The following CD46 variants were observed in gnomAD, a reference collection of about 807,000 sequenced individuals.
CD46 encodes the protein CD46 molecule.
CD46 carries 30 observed loss-of-function variants against 53.3 expected under a neutral mutation model. That is an observed-to-expected ratio of 0.56 (90% CI 0.42 to 0.76). CD46 has a LOEUF of 0.76. CD46 is among the 30% of genes least tolerant of loss of function. The probability of loss-of-function intolerance (pLI) is 0.00; values close to 1 mark genes in which losing one functional copy is unlikely to be tolerated. For missense variants in CD46, 409 were observed against 463.0 expected (o/e 0.88, Z 1.07); for synonymous variants, 142 against 152.0 (o/e 0.93, Z 0.48).
chr1:207,761,226 T>C (rs749502589), intron 4 of CD46, 23 bp from the exon 5 acceptor site: 9 of 1,471,696 alleles, frequency 6.1e-6, no homozygotes, highest in South Asian at 2.3e-5. Context: ...ACATTTCCTT[T>C]CCTCTTTTTC....
intron 5 of CD46, among the ~76,000 whole-genome samples, chr1:207,761,667 G>C (rs1656232848): frequency 1.3e-5 from 2 of 151,514 alleles, no homozygotes; most frequent in South Asian, 2.1e-4. Flanking sequence ...ATTTTATACA[G>C]TGTGAACTAC....
In CD46 at chr1:207,766,976, G is replaced by A. The variant is rs370525888; in HGVS notation, c.674-37G>A. Reference sequence around the variant, plus strand: ...TTGTACTACTTTTTCTGCTAAAGCAGATATCCATTAATTCTGAGGTTTCTC... The same window carrying A: ...TTGTACTACTTTTTCTGCTAAAGCAAATATCCATTAATTCTGAGGTTTCTC... On this transcript the variant is annotated intron_variant, in intron 5 of 12. Transcript: ENST00000367042. The A allele has an allele frequency of 1.9e-6, 3 of 1,544,006 alleles. No homozygotes were observed. The African/African-American group carries it at 4.1e-5, about 21-fold the overall frequency.
chr1:207,780,547 CA>C (rs1466025631), intron 8 of CD46, among the ~76,000 whole-genome samples: 1 of 151,970 alleles, frequency 6.6e-6, no homozygotes, highest in East Asian at 1.9e-4. Context: ...TTCCCGTATT[CA>C]GTTCTTTTAG....
chr1:207,785,284 A>G (rs2102688730), intron 10 of CD46, among the ~76,000 whole-genome samples, 178 bp downstream of exon 10: 1 of 152,308 alleles, frequency 6.6e-6, no homozygotes, highest in South Asian at 2.1e-4. Context: ...TAGTGATTTT[A>G]TACTCTGTTA....
chr1:207,764,670 A>G (rs1320943761), intron 5 of CD46, among the ~76,000 whole-genome samples: 2 of 152,228 alleles, frequency 1.3e-5, no homozygotes, highest in African/African-American at 4.8e-5. Flanking sequence ...AAAGGATGAC[A>G]AGGGAATATT....
intron 11 of CD46, 170 bp downstream of exon 11, chr1:207,785,852 G>T: frequency 1.7e-6 from 1 of 586,926 alleles, no homozygotes; most frequent in Non-Finnish European, 3.0e-6. Flanking sequence ...AATATTTTCA[G>T]CTACTTCTAA....
chr1:207,769,594 T>C (rs919877477), intron 7 of CD46: 2 of 152,130 alleles, frequency 1.3e-5, no homozygotes, highest in East Asian at 1.9e-4. Flanking sequence ...TTTCTTATCA[T>C]CTGCTAGAGG....
At chr1:207,785,943 TTTAAG>T in intron 11 of CD46, 1 of 386,440 alleles carries the variant, frequency 2.6e-6, no homozygotes, top group Non-Finnish European at 4.8e-6. Flanking sequence ...GGATTTGAGG[TTTAAG>T]TTATTTAGCA....
chr1:207,763,351 G>C (rs1051814082), intron 5 of CD46: 1 of 152,368 alleles, frequency 6.6e-6, no homozygotes, highest in African/African-American at 2.4e-5. Context: ...AGCCTTGCTG[G>C]CTCCTCTGCT....
At chr1:207,778,983 T>C (rs957253553) in intron 8 of CD46, among the ~76,000 whole-genome samples, 1 of 152,200 alleles carries the variant, frequency 6.6e-6, no homozygotes, top group African/African-American at 2.4e-5. Flanking sequence ...ATAATTCTCA[T>C]TGCAGAGATG....
intron 8 of CD46, among the ~76,000 whole-genome samples, chr1:207,779,003 C>G (rs988727618): frequency 1.3e-5 from 2 of 152,070 alleles, no homozygotes; most frequent in Non-Finnish European, 2.9e-5. Flanking sequence ...GTTTCACCTC[C>G]CTGGTTAGCT....
chr1:207,778,769 G>A (rs1658402694), intron 8 of CD46, among the ~76,000 whole-genome samples: 1 of 152,100 alleles, frequency 6.6e-6, no homozygotes. Flanking sequence ...GACTATTCAG[G>A]CTCTTTTTGG....
chr1:207,758,382 A>G (rs1449175221), intron 3 of CD46, among the ~76,000 whole-genome samples: 3 of 152,210 alleles, frequency 2.0e-5, no homozygotes, highest in African/African-American at 7.2e-5. Flanking sequence ...GTGCTGCATC[A>G]TAACATGCTG....
At chr1:207,791,655 G>T (rs1162164773) in intron 12 of CD46, among the ~76,000 whole-genome samples, 1 of 152,136 alleles carries the variant, frequency 6.6e-6, no homozygotes, top group African/African-American at 2.4e-5. Flanking sequence ...TTTGACTATG[G>T]GTAACTGAAA....
At chr1:207,761,555 T>C (rs1656220621) in intron 5 of CD46, 109 bp downstream of exon 5, 2 of 841,320 alleles carry the variant, frequency 2.4e-6, no homozygotes, top group South Asian at 2.9e-5. Context: ...CCTCCTCCTG[T>C]ATAATTGGTT....
chr1:207,774,593 G>A (rs1251424037), intron 8 of CD46, among the ~76,000 whole-genome samples: 1 of 152,082 alleles, frequency 6.6e-6, no homozygotes, highest in African/African-American at 2.4e-5. Flanking sequence ...GACAAAATCT[G>A]TCAGCATTTG....
At chr1:207,781,700 C>G (rs998449458) in intron 8 of CD46, among the ~76,000 whole-genome samples, 3 of 152,096 alleles carry the variant, frequency 2.0e-5, no homozygotes, top group Non-Finnish European at 2.9e-5. Context: ...TTTGACTGTT[C>G]CTTGTCACGC....
intron 3 of CD46, among the ~76,000 whole-genome samples, chr1:207,758,867 T>C (rs1294216694): frequency 2.0e-5 from 3 of 152,136 alleles, no homozygotes; most frequent in East Asian, 3.8e-4. Context: ...TCTAACCTTA[T>C]TGAGAAATAA....
chr1:207,787,394 A>G (rs945926361), intron 11 of CD46, among the ~76,000 whole-genome samples: 3 of 152,174 alleles, frequency 2.0e-5, no homozygotes, highest in African/African-American at 7.2e-5. Flanking sequence ...TTAAAGCTCA[A>G]CAGTTATCTG....
Sources: allele counts gnomAD v4.1 joint callset (sites outside exome capture counted in the v4.1 genomes callset), GRCh38; gene constraint gnomAD v4.1.1; transcripts MANE v1.5; gene names NCBI Gene and HGNC (gene_info 2026-07-23, HGNC 2026-07-21).